Variants in SLC9A9 observed in about 807,000 individuals in gnomAD.
The protein encoded by SLC9A9 is sodium/hydrogen exchanger 9.
SLC9A9 carries 62 observed loss-of-function variants against 77.8 expected under a neutral mutation model. The ratio of observed to expected loss-of-function variants is 0.80; its 90% CI spans 0.65 to 0.98. The LOEUF (loss-of-function observed/expected upper bound fraction) is 0.98. SLC9A9 is among the 50% of genes least tolerant of loss of function. SLC9A9 has a pLI of 0.00. For missense variants in SLC9A9, 775 were observed against 774.9 expected, an observed-to-expected ratio of 1.00 and a Z score of 0.00; for synonymous variants, 320 against 283.5, an observed-to-expected ratio of 1.13 and a Z score of -1.29.
intron 9 of SLC9A9, among the ~76,000 whole-genome samples, chr3:143,496,758 C>T (rs563484432): frequency 1.3e-5 from 2 of 152,150 alleles, no homozygotes; most frequent in African/African-American, 4.8e-5. Flanking sequence ...TATATCTTTA[C>T]TTTTTCAAAA....
In SLC9A9 at chr3:143,266,803, G is replaced by A. The variant is rs1937737021; in HGVS notation, c.1837C>T (p.Pro613Ser). The change falls in exon 16 of 16, where the codon CCC becomes TCC. Residue 613 changes from proline (P) to serine (S), a missense_variant. Coordinates refer to ENST00000316549, the MANE Select transcript of SLC9A9 (RefSeq NM_173653.4). ...ATGTTTTCCTTGCCTGGCGTCTGGG[G>A]TGAAGCTTTCTGGTCCAGACCTAGC... is the stretch of plus-strand genomic sequence containing the variant. ...ARLGLDQKASPQTPGKENIYE... is the reference protein window; with the variant it reads ...ARLGLDQKASSQTPGKENIYE... 6.2e-7 allele frequency: 1 copy of A among 1,614,178 alleles called. No individual in the cohort carries two copies. Among genetic ancestry groups the A allele is most frequent in the Non-Finnish European group, 8.5e-7 (1 of 1,180,038 alleles).
chr3:143,611,439 T>G (rs1161013181), intron 6 of SLC9A9, among the ~76,000 whole-genome samples: 1 of 152,096 alleles, frequency 6.6e-6, no homozygotes, highest in Non-Finnish European at 1.5e-5. Context: ...TGAAACATGA[T>G]GAGTAGAAAC....
chr3:143,535,843 G>A (rs2036582102), intron 9 of SLC9A9, among the ~76,000 whole-genome samples: 1 of 152,076 alleles, frequency 6.6e-6, no homozygotes, highest in Non-Finnish European at 1.5e-5. Context: ...TTATCAAAGT[G>A]TACCTTAGCC....
At chr3:143,683,239 C>T (rs565533854) in intron 5 of SLC9A9, among the ~76,000 whole-genome samples, 1 of 152,046 alleles carries the variant, frequency 6.6e-6, no homozygotes, top group African/African-American at 2.4e-5. Context: ...GCAACGTGAT[C>T]GATCAAGCAT....
chr3:143,521,815 C>A (rs958595909), intron 9 of SLC9A9, among the ~76,000 whole-genome samples: 1 of 151,912 alleles, frequency 6.6e-6, no homozygotes, highest in Non-Finnish European at 1.5e-5. Flanking sequence ...TCTTTCATTT[C>A]TTTAAGTATA....
chr3:143,628,607 ACACT>A (rs2108724709), intron 6 of SLC9A9, among the ~76,000 whole-genome samples: 1 of 152,304 alleles, frequency 6.6e-6, no homozygotes, highest in South Asian at 2.1e-4. Flanking sequence ...TGTATTATAA[ACACT>A]CACTCTATCA....
intron 7 of SLC9A9, among the ~76,000 whole-genome samples, chr3:143,575,495 G>C (rs920841445): frequency 6.6e-6 from 1 of 152,136 alleles, no homozygotes; most frequent in African/African-American, 2.4e-5. Context: ...GTCTACTGTG[G>C]TCTAAATTAA....
intron 2 of SLC9A9, among the ~76,000 whole-genome samples, chr3:143,817,256 C>G (rs1422313376): frequency 2.7e-5 from 4 of 150,370 alleles, no homozygotes; most frequent in Admixed American, 2.6e-4. Flanking sequence ...TCACGCCATT[C>G]TCCTGCCTCA....
chr3:143,660,986 C>T (rs1257792208), intron 5 of SLC9A9, among the ~76,000 whole-genome samples: 1 of 152,190 alleles, frequency 6.6e-6, no homozygotes, highest in African/African-American at 2.4e-5. Flanking sequence ...TCACACACCA[C>T]AGATCACTCA....
intron 12 of SLC9A9, among the ~76,000 whole-genome samples, chr3:143,404,867 GTTT>G (rs1002608419): frequency 1.3e-5 from 2 of 152,264 alleles, no homozygotes; most frequent in African/African-American, 4.8e-5. Context: ...TTTCTCCTTT[GTTT>G]TTAAGTCTTC....
intron 12 of SLC9A9, 65 bp downstream of exon 12, chr3:143,466,972 T>C: frequency 1.7e-5 from 27 of 1,570,124 alleles, no homozygotes; most frequent in Non-Finnish European, 2.3e-5. Context: ...AAGTCAGCAA[T>C]ACCAGAAATT....
At chr3:143,807,400 G>C (rs1055343935) in intron 2 of SLC9A9, among the ~76,000 whole-genome samples, 1 of 152,256 alleles carries the variant, frequency 6.6e-6, no homozygotes, top group African/African-American at 2.4e-5. Context: ...AGTGGGCAAA[G>C]GCCATAGTGT....
At chr3:143,571,936 G>A (rs1366096185) in intron 8 of SLC9A9, among the ~76,000 whole-genome samples, 1 of 152,214 alleles carries the variant, frequency 6.6e-6, no homozygotes, top group African/African-American at 2.4e-5. Flanking sequence ...AATAGAAAAT[G>A]CTCACACCTA....
Position 143,266,150 on chromosome 3 carries a change from C to A in SLC9A9, c.*552G>T. The A allele has an allele frequency of 1.4e-6, 1 of 701,720 alleles. No individual in the cohort carries two copies. Among genetic ancestry groups the A allele is most frequent in the Non-Finnish European group, 2.6e-6 (1 of 384,674 alleles). The allele number at this position is 701,720 out of a possible 1,614,324, so 43.5% of individuals were successfully genotyped here. A position where few individuals can be genotyped will look rare whatever the true frequency, so the allele number is the denominator to read the frequency against. On this transcript the variant is annotated 3_prime_UTR_variant, in exon 16 of 16. Transcript: ENST00000316549. ...CAACTCAGTGTGGGCTCTGGGAAACCATCAGCAGTGGGTACGGAACACTTC... is the reference window on the plus strand; with the variant it reads ...CAACTCAGTGTGGGCTCTGGGAAACAATCAGCAGTGGGTACGGAACACTTC...
intron 8 of SLC9A9, among the ~76,000 whole-genome samples, chr3:143,571,629 T>TA (rs11384128): frequency 0.81 from 122,574 of 151,246 alleles, 49,955 homozygotes; most frequent in African/African-American, 0.89. Context: ...AAGCATGACT[T>TA]AAAAAAAAAT....
chr3:143,431,970 A>T (rs562704286), intron 12 of SLC9A9, among the ~76,000 whole-genome samples: 14 of 152,314 alleles, frequency 9.2e-5, no homozygotes, highest in Non-Finnish European at 2.1e-4. Flanking sequence ...ATAACTTCTC[A>T]GTGAGGCCTA....
At chr3:143,295,261 A>G (rs2030212780) in intron 14 of SLC9A9, among the ~76,000 whole-genome samples, 2 of 152,226 alleles carry the variant, frequency 1.3e-5, no homozygotes, top group African/African-American at 4.8e-5. Context: ...CCCCTTTGCC[A>G]TGGTTCCCAT....
At chr3:143,517,640 T>G in intron 9 of SLC9A9, 1 of 1,597,370 alleles carries the variant, frequency 6.3e-7, no homozygotes, top group Non-Finnish European at 8.5e-7. Context: ...TTCTTCCTAC[T>G]GGCCTAGAAG....
At chr3:143,721,644 C>T (rs761852154) in intron 4 of SLC9A9, among the ~76,000 whole-genome samples, 1 of 152,148 alleles carries the variant, frequency 6.6e-6, no homozygotes, top group Non-Finnish European at 1.5e-5. Context: ...TCTCCTTCAG[C>T]TACCTCCCCA....
Sources: allele counts gnomAD v4.1 joint callset (sites outside exome capture counted in the v4.1 genomes callset), GRCh38; gene constraint gnomAD v4.1.1; transcripts MANE v1.5; gene names NCBI Gene and HGNC (gene_info 2026-07-23, HGNC 2026-07-21).